The following DOK5 variants were observed in gnomAD, a reference collection of about 807,000 sequenced individuals.
DOK5 encodes docking protein 5.
A neutral mutation model predicts 43.3 loss-of-function variants in DOK5; 27 were observed. That is an observed-to-expected ratio of 0.62 (90% CI 0.46 to 0.86). DOK5 has a LOEUF of 0.86. Ranked by LOEUF, DOK5 falls within the 40% of genes least tolerant of loss-of-function variation. The pLI is 0.00. For missense variants in DOK5, 373 were observed against 392.9 expected (o/e 0.95, Z 0.43); for synonymous variants, 146 against 140.1 (o/e 1.04, Z -0.30).
intron 5 of DOK5, among the ~76,000 whole-genome samples, chr20:54,601,937 A>C (rs1986310213): frequency 6.6e-6 from 1 of 152,094 alleles, no homozygotes; most frequent in Non-Finnish European, 1.5e-5. Flanking sequence ...GAAGAGGTTT[A>C]TTTTATTCTG....
intron 1 of DOK5, among the ~76,000 whole-genome samples, chr20:54,543,215 C>T (rs901542091): frequency 1.3e-4 from 19 of 151,460 alleles, no homozygotes; most frequent in African/African-American, 3.2e-4. Flanking sequence ...GAAGGAACAA[C>T]GTTGAATATT....
Position 54,582,571 on chromosome 20 carries a change from G to A in DOK5, c.175-5912G>A, listed in dbSNP as rs566623701. Among the ~76,000 whole-genome samples the A allele has an allele frequency of 4.0e-5, 6 of 151,596 alleles. No individual in the cohort carries two copies. In the East Asian group the frequency reaches 1.2e-3, roughly 30 times the overall value. On this transcript the variant is annotated intron_variant, in intron 2 of 7. Coordinates refer to ENST00000262593, the MANE Select transcript of DOK5 (RefSeq NM_018431.5). ...TTATTGAATCCCTTAATAGTTACAG[G>A]TTTGTTCCAAGTTTCTATTTCTTCA...
chr20:54,583,172 T>G (rs1364946139), intron 2 of DOK5, among the ~76,000 whole-genome samples: 1 of 152,118 alleles, frequency 6.6e-6, no homozygotes, highest in Admixed American at 6.5e-5. Context: ...TACTGTGATT[T>G]TTTTTCAGTT....
Position 54,491,493 on chromosome 20 carries a change from T to C in DOK5, c.66+15481T>C, listed in dbSNP as rs1401856113. Reference sequence around the variant, plus strand: ...CTGCAGTCCCCAGGACAGGCCAAACTGGTAGAAGAGAAACCTGGCCAGGGT... The same window carrying C: ...CTGCAGTCCCCAGGACAGGCCAAACCGGTAGAAGAGAAACCTGGCCAGGGT... On this transcript the variant is annotated intron_variant, in intron 1 of 7. Coordinates refer to ENST00000262593, the MANE Select transcript of DOK5 (RefSeq NM_018431.5). Among the ~76,000 whole-genome samples, 5 of 152,312 alleles carry C rather than the reference T, an allele frequency of 3.3e-5. No homozygotes were observed. The East Asian group carries it at 9.6e-4, about 29-fold the overall frequency.
At chr20:54,567,479 A>C (rs1985136201) in intron 2 of DOK5, among the ~76,000 whole-genome samples, 1 of 152,094 alleles carries the variant, frequency 6.6e-6, no homozygotes, top group Non-Finnish European at 1.5e-5. Context: ...CTTTGTCAAA[A>C]ATTATTTGGG....
chr20:54,489,650 A>G (rs1297106911), intron 1 of DOK5, among the ~76,000 whole-genome samples: 1 of 152,022 alleles, frequency 6.6e-6, no homozygotes, highest in Non-Finnish European at 1.5e-5. Context: ...CATTTTACAA[A>G]TTATGAAACT....
chr20:54,598,732 G>T (rs1986218545), intron 5 of DOK5, among the ~76,000 whole-genome samples: 1 of 152,164 alleles, frequency 6.6e-6, no homozygotes, highest in Non-Finnish European at 1.5e-5. Flanking sequence ...CGTTTTAAGA[G>T]AAACTTTTAG....
At chr20:54,605,313 G>A (rs978405233) in intron 5 of DOK5, among the ~76,000 whole-genome samples, 8 of 152,186 alleles carry the variant, frequency 5.3e-5, no homozygotes, top group African/African-American at 1.9e-4. Context: ...AATAAGATAT[G>A]TTAGTGTGCA....
chr20:54,515,252 AT>A (rs2146691304), intron 1 of DOK5, among the ~76,000 whole-genome samples: 1 of 152,248 alleles, frequency 6.6e-6, no homozygotes, highest in South Asian at 2.1e-4. Flanking sequence ...ACCTCAGGCC[AT>A]CCAACCCGCC....
In DOK5 at chr20:54,610,399, C is replaced by G. The variant is rs1986608379; in HGVS notation, c.611C>G (p.Thr204Ser). ...FTFEAGRMCE[T>S]GEGLFIFQTR... ...TTTTGTTTTCACAGGATGTGTGAGA[C>G]TGGTGAAGGGCTGTTTATCTTTCAG... is the stretch of plus-strand genomic sequence containing the variant. The change falls in exon 6 of 8, where the codon ACT (threonine) becomes AGT (serine). Residue 204 changes from threonine (T) to serine (S), a missense_variant. Thr to Ser is a moderately conservative substitution (Grantham distance 58). Coordinates refer to ENST00000262593, the MANE Select transcript of DOK5 (RefSeq NM_018431.5). The G allele has an allele frequency of 1.3e-6, 2 of 1,556,190 alleles. No individual in the cohort carries two copies. Among genetic ancestry groups the G allele is most frequent in the Non-Finnish European group, 1.7e-6 (2 of 1,154,626 alleles).
chr20:54,596,581 G>A (rs1417295121), intron 5 of DOK5, among the ~76,000 whole-genome samples: 1 of 152,226 alleles, frequency 6.6e-6, no homozygotes, highest in Non-Finnish European at 1.5e-5. Context: ...CTGGCTGTGG[G>A]AACGTGGATA....
chr20:54,512,620 T>C (rs986479715), intron 1 of DOK5, among the ~76,000 whole-genome samples: 1 of 152,236 alleles, frequency 6.6e-6, no homozygotes, highest in African/African-American at 2.4e-5. Context: ...GTTTGGCATT[T>C]TTAGTAGTAT....
At chr20:54,501,348 A>T (rs1375086089) in intron 1 of DOK5, among the ~76,000 whole-genome samples, 3 of 151,254 alleles carry the variant, frequency 2.0e-5, no homozygotes, top group Admixed American at 2.0e-4. Context: ...GCGCCTGTAG[A>T]CCCAGCTACT....
At chr20:54,606,211 C>A (rs962425805) in intron 5 of DOK5, among the ~76,000 whole-genome samples, 1 of 152,168 alleles carries the variant, frequency 6.6e-6, no homozygotes, top group African/African-American at 2.4e-5. Flanking sequence ...ATCTATATGG[C>A]AGCAATATTA....
At chr20:54,599,592 G>A (rs779450639) in intron 5 of DOK5, among the ~76,000 whole-genome samples, 4 of 152,198 alleles carry the variant, frequency 2.6e-5, no homozygotes, top group African/African-American at 9.7e-5. Flanking sequence ...CCACCTCTGA[G>A]CTTCTGTGAT....
chr20:54,629,632 A>T (rs1978471710), intron 6 of DOK5, among the ~76,000 whole-genome samples: 1 of 152,258 alleles, frequency 6.6e-6, no homozygotes, highest in African/African-American at 2.4e-5. Context: ...ACAACAGAGA[A>T]CAAGAACTAG....
At chr20:54,554,255 A>T (rs2146728913) in intron 1 of DOK5, among the ~76,000 whole-genome samples, 1 of 152,326 alleles carries the variant, frequency 6.6e-6, no homozygotes, top group South Asian at 2.1e-4. Context: ...TTTTACCTAG[A>T]GTAGAAATGA....
At chr20:54,619,026 TATATATATATATATA>T (rs1568814416) in intron 6 of DOK5, among the ~76,000 whole-genome samples, 1,025 of 42,814 alleles carry the variant, frequency 0.024, 39 homozygotes, top group East Asian at 0.032. Flanking sequence ...CAATAAATTA[TATATATATATATATA>T]TATATATATA....
chr20:54,543,541 C>CTGTA (rs1555829115), intron 1 of DOK5, among the ~76,000 whole-genome samples: 1 of 143,474 alleles, frequency 7.0e-6, no homozygotes, highest in Non-Finnish European at 1.5e-5. Context: ...CCTAGAATTG[C>CTGTA]TGTGTGTGTG....
Sources: gnomAD v4.1 joint callset for allele counts (sites outside exome capture counted in the v4.1 genomes callset) on GRCh38, gnomAD v4.1.1 for gene constraint, MANE v1.5 for transcripts, NCBI Gene and HGNC (gene_info 2026-07-23, HGNC 2026-07-21) for gene names.